The following ZNF578 variants were observed in gnomAD, a reference collection of about 807,000 sequenced individuals.
ZNF578 encodes the protein Putative chemokine-related protein B42.
Under a neutral mutation model 8.3 loss-of-function variants are expected in ZNF578, and 8 were observed. That is an observed-to-expected ratio of 0.96 (90% CI 0.56 to 1.74). ZNF578 has a LOEUF of 1.74. Ranked by LOEUF, ZNF578 falls within the 40% of genes most tolerant of loss-of-function variation. The pLI is 0.00. For missense variants in ZNF578, 726 were observed against 707.5 expected (o/e 1.03, Z -0.30); for synonymous variants, 206 against 232.2 (o/e 0.89, Z 1.03).
chr19:52,510,995 C>G lies in ZNF578; in HGVS notation c.614C>G (p.Pro205Arg). ...TCTTGTAGGCCTGAAACACATACTC[C>G]TAATAACTATGGGAATAATTTTTTC... ...RISCRPETHT[P>R]NNYGNNFFHS... Residue 205 changes from proline to arginine, a missense_variant, in exon 6 of 6, where the codon CCT (proline) becomes CGT (arginine). Transcript: ENST00000421239. The G allele has an allele frequency of 3.1e-6, 5 of 1,614,156 alleles. No homozygotes were observed. Among genetic ancestry groups the G allele is most frequent in the Middle Eastern group, 1.6e-4 (1 of 6,062 alleles).
intron 3 of ZNF578, among the ~76,000 whole-genome samples, chr19:52,495,946 T>TA (rs1442799088): frequency 2.0e-5 from 3 of 152,276 alleles, no homozygotes; most frequent in Non-Finnish European, 2.9e-5. Flanking sequence ...AAAGGAGTAT[T>TA]AAAGTGCTTT....
rs1307784415 is a variant in ZNF578, at chr19:52,515,657, G to C, written c.*3503G>C. 1.3e-5 allele frequency among the ~76,000 whole-genome samples: 2 copies of C among 151,914 alleles called. No individual in the cohort carries two copies. Among genetic ancestry groups the C allele is most frequent in the East Asian group, 3.9e-4 (2 of 5,138 alleles). On this transcript the variant is annotated 3_prime_UTR_variant, in exon 6 of 6. Coordinates refer to ENST00000421239, the MANE Select transcript of ZNF578 (RefSeq NM_001099694.2). ...CCTGCAACTTGGCGACGAGGGGCTT[G>C]ACCAGAAAAGGTCAACCCGAGTGTC...
intron 3 of ZNF578, among the ~76,000 whole-genome samples, chr19:52,496,360 C>T (rs112462466): frequency 0.16 from 23,608 of 145,192 alleles, 2,306 homozygotes; most frequent in Non-Finnish European, 0.22. Flanking sequence ...GACAGAGTCT[C>T]GCTCTGTCAC....
chr19:52,493,679 G>A (rs324742), intron 3 of ZNF578, among the ~76,000 whole-genome samples: 6 of 151,894 alleles, frequency 4.0e-5, no homozygotes, highest in African/African-American at 1.5e-4. Context: ...TCGAAAGATT[G>A]GGGGGAAGGG....
chr19:52,479,897 A>AT (rs1035616442), intron 2 of ZNF578, among the ~76,000 whole-genome samples: 8 of 150,570 alleles, frequency 5.3e-5, no homozygotes, highest in African/African-American at 1.7e-4. Flanking sequence ...GTGGATTATG[A>AT]TTTTTTTATC....
chr19:52,504,894 T>TGTTTGATG (rs1461217743), intron 5 of ZNF578, 113 bp downstream of exon 5: 1 of 1,555,514 alleles, frequency 6.4e-7, no homozygotes, highest in African/African-American at 1.4e-5. Flanking sequence ...TTTGTTTGAT[T>TGTTTGATG]GTTTGTTTGG....
At chr19:52,505,199 TG>T (rs2059421399) in intron 5 of ZNF578, among the ~76,000 whole-genome samples, 1 of 152,070 alleles carries the variant, frequency 6.6e-6, no homozygotes, top group Admixed American at 6.6e-5. Context: ...TTCTGGTTTT[TG>T]AGGAGCATCA....
chr19:52,486,064 T>C (rs1290899009), intron 2 of ZNF578, among the ~76,000 whole-genome samples: 1 of 152,206 alleles, frequency 6.6e-6, no homozygotes, highest in African/African-American at 2.4e-5. Flanking sequence ...AATGTCTCCA[T>C]GTAAAACCCG....
intron 3 of ZNF578, among the ~76,000 whole-genome samples, chr19:52,496,624 C>T (rs932167238): frequency 6.6e-6 from 1 of 150,554 alleles, no homozygotes; most frequent in East Asian, 2.0e-4. Flanking sequence ...CCACCGCGCT[C>T]AGCCTCATTA....
At chr19:52,494,440 TGAGCAGA>T (rs1263152391) in intron 3 of ZNF578, among the ~76,000 whole-genome samples, 3 of 152,170 alleles carry the variant, frequency 2.0e-5, no homozygotes, top group Admixed American at 2.0e-4. Flanking sequence ...CAGGCTGCTG[TGAGCAGA>T]GATCATGCCA....
chr19:52,499,949 T>C (rs1177392953), intron 3 of ZNF578, among the ~76,000 whole-genome samples: 2 of 152,102 alleles, frequency 1.3e-5, no homozygotes, highest in Non-Finnish European at 2.9e-5. Context: ...TCTCTTCCAC[T>C]GTTCCAGCCC....
chr19:52,515,319 C>T lies in ZNF578; in HGVS notation c.*3165C>T, dbSNP rs937073279. Among the ~76,000 whole-genome samples the T allele has an allele frequency of 6.6e-6, 1 of 152,138 alleles. No homozygotes were observed. Among genetic ancestry groups the T allele is most frequent in the Non-Finnish European group, 1.5e-5 (1 of 68,026 alleles). On this transcript the variant is annotated 3_prime_UTR_variant, in exon 6 of 6. Transcript: ENST00000421239. ...TTATTTCTTAGTTCTACAGCTGACC[C>T]TCTTTCACTGTTTCCAAGGTCAATA...
chr19:52,493,105 T>A (rs1425414265), intron 3 of ZNF578, among the ~76,000 whole-genome samples: 4 of 152,070 alleles, frequency 2.6e-5, no homozygotes, highest in African/African-American at 9.7e-5. Flanking sequence ...ATAGCGTAAT[T>A]TTCCTGCTCA....
chr19:52,454,336 C>T (rs1472134963), intron 1 of ZNF578: 1 of 152,210 alleles, frequency 6.6e-6, no homozygotes, highest in African/African-American at 2.4e-5. Flanking sequence ...GACATCAACT[C>T]GGTGTCCCAT....
chr19:52,509,559 G>C (rs142000390), intron 5 of ZNF578, among the ~76,000 whole-genome samples: 6 of 152,288 alleles, frequency 3.9e-5, no homozygotes, highest in East Asian at 1.9e-4. Flanking sequence ...GAGGCCAAAG[G>C]GGGTGGAGAC....
At chr19:52,489,024 G>C (rs1335236654) in intron 2 of ZNF578, among the ~76,000 whole-genome samples, 1 of 151,078 alleles carries the variant, frequency 6.6e-6, no homozygotes, top group Non-Finnish European at 1.5e-5. Flanking sequence ...GGACCCGGCT[G>C]GAAGGCAGAG....
At chr19:52,490,132 T>C (rs1481308110) in intron 2 of ZNF578, among the ~76,000 whole-genome samples, 6 of 152,354 alleles carry the variant, frequency 3.9e-5, no homozygotes, top group African/African-American at 9.6e-5. Flanking sequence ...TCTCAGTTTA[T>C]AAATTTTCCC....
In ZNF578 at chr19:52,512,715, G is replaced by A. The variant is rs1481589579; in HGVS notation, c.*561G>A. Among the ~76,000 whole-genome samples, 1 of 152,208 alleles carries A rather than the reference G, an allele frequency of 6.6e-6. No individual in the cohort carries two copies. The highest frequency in any genetic ancestry group is 1.5e-5 in the Non-Finnish European group (1 of 68,044). On this transcript the variant is annotated 3_prime_UTR_variant, in exon 6 of 6. Transcript: ENST00000421239. The stretch of plus-strand genomic sequence containing the variant: ...AGTGTGGCAAGGTCTTCAGTCCGAG[G>A]TCACTCCTTGCAGAACATCAGAAAA...
At chr19:52,475,350 TTTC>T (rs2059304863) in intron 2 of ZNF578, 1 of 164,824 alleles carries the variant, frequency 6.1e-6, no homozygotes, top group Non-Finnish European at 1.3e-5. Flanking sequence ...CTTTTCTTTC[TTTC>T]TTTTTTTTTT....
Sources: allele counts gnomAD v4.1 joint callset (sites outside exome capture counted in the v4.1 genomes callset), GRCh38; gene constraint gnomAD v4.1.1; transcripts MANE v1.5; gene names NCBI Gene and HGNC (gene_info 2026-07-23, HGNC 2026-07-21).